The following PHTF2 variants were observed in gnomAD, a reference collection of about 807,000 sequenced individuals.
PHTF2 encodes the protein protein PHTF2.
In PHTF2, 60 loss-of-function variants were observed where a neutral mutation model predicts 101.2. The ratio of observed to expected loss-of-function variants is 0.59; its 90% CI spans 0.48 to 0.73. The LOEUF (loss-of-function observed/expected upper bound fraction) is 0.73. Ranked by LOEUF, PHTF2 falls within the 30% of genes least tolerant of loss-of-function variation. The pLI is 0.00. For missense variants in PHTF2, 747 were observed against 908.7 expected (o/e 0.82, Z 2.29); for synonymous variants, 311 against 307.3 (o/e 1.01, Z -0.13).
chr7:77,820,628 C>A (rs557228460), intron 1 of PHTF2, among the ~76,000 whole-genome samples: 12 of 152,180 alleles, frequency 7.9e-5, no homozygotes, highest in Admixed American at 2.6e-4. Flanking sequence ...TCCTTCCTCC[C>A]CAGTCTCCCA....
chr7:77,849,745 A>G (rs1012659551), intron 2 of PHTF2, among the ~76,000 whole-genome samples: 2 of 152,138 alleles, frequency 1.3e-5, no homozygotes, highest in Middle Eastern at 3.2e-3. Context: ...GTTTATTCCT[A>G]GGTATCTTAT....
At chr7:77,807,182 C>G (rs935772848) in intron 1 of PHTF2, among the ~76,000 whole-genome samples, 1 of 152,134 alleles carries the variant, frequency 6.6e-6, no homozygotes, top group Non-Finnish European at 1.5e-5. Flanking sequence ...GTGAATAGTG[C>G]TGCTATGAAT....
At chr7:77,940,164 A>G (rs1339124493) in exon 14 of PHTF2, 1 of 1,613,874 alleles carries the variant, frequency 6.2e-7, no homozygotes, top group Non-Finnish European at 8.5e-7. Flanking sequence ...ATTCTGCTTC[A>G]GAACTTTATG....
At chr7:77,816,550 C>T (rs1211994392) in intron 1 of PHTF2, among the ~76,000 whole-genome samples, 1 of 152,136 alleles carries the variant, frequency 6.6e-6, no homozygotes, top group African/African-American at 2.4e-5. Context: ...GTATAGTGAT[C>T]AGATCAGAGT....
chr7:77,805,918 T>C (rs915085296), intron 1 of PHTF2, among the ~76,000 whole-genome samples: 7 of 152,238 alleles, frequency 4.6e-5, no homozygotes, highest in Admixed American at 3.3e-4. Flanking sequence ...CTTACGCCTG[T>C]AATCCCAGCA....
intron 13 of PHTF2, among the ~76,000 whole-genome samples, chr7:77,939,480 G>A (rs532776958): frequency 1.1e-3 from 171 of 151,462 alleles, no homozygotes; most frequent in African/African-American, 3.9e-3. Context: ...GGGGGCGGTG[G>A]TGTATACCTG....
intron 3 of PHTF2, among the ~76,000 whole-genome samples, chr7:77,890,599 C>CTTTTTTTT (rs747882978): frequency 4.4e-4 from 37 of 84,232 alleles, no homozygotes; most frequent in Non-Finnish European, 5.3e-4. Flanking sequence ...AATAGTTACA[C>CTTTTTTTT]TTTTTTTTTT....
intron 3 of PHTF2, among the ~76,000 whole-genome samples, chr7:77,892,995 C>G (rs1256372378): frequency 6.6e-6 from 1 of 152,020 alleles, no homozygotes; most frequent in Admixed American, 6.5e-5. Flanking sequence ...GAAGTTTTTC[C>G]CCAAATATAA....
At chr7:77,931,046 A>G (rs1401405888) in intron 12 of PHTF2, among the ~76,000 whole-genome samples, 1 of 152,200 alleles carries the variant, frequency 6.6e-6, no homozygotes, top group South Asian at 2.1e-4. Context: ...ATACATGACA[A>G]TAAGTGGCAT....
chr7:77,932,127 G>A (rs1804627644), intron 12 of PHTF2, among the ~76,000 whole-genome samples: 1 of 152,060 alleles, frequency 6.6e-6, no homozygotes, highest in African/African-American at 2.4e-5. Context: ...TAAAAAGGAT[G>A]GCTATGAATG....
intron 1 of PHTF2, among the ~76,000 whole-genome samples, chr7:77,827,446 C>T (rs1295896916): frequency 2.0e-5 from 3 of 152,096 alleles, no homozygotes; most frequent in Non-Finnish European, 4.4e-5. Flanking sequence ...CCTCTGCCTC[C>T]CGGGTTCAGG....
At chr7:77,926,549 A>G (rs1265948135) in intron 11 of PHTF2, among the ~76,000 whole-genome samples, 3 of 152,124 alleles carry the variant, frequency 2.0e-5, no homozygotes, top group Non-Finnish European at 2.9e-5. Context: ...TCATTCACTC[A>G]AGGTATTTTG....
intron 7 of PHTF2, among the ~76,000 whole-genome samples, chr7:77,904,185 A>G (rs576569186): frequency 1.6e-4 from 25 of 152,288 alleles, no homozygotes; most frequent in Non-Finnish European, 2.9e-4. Context: ...TTGAATTTCT[A>G]TCCCACCTTA....
At chr7:77,910,157 A>C in intron 8 of PHTF2, 88 bp from the exon 8 acceptor site, 1 of 1,043,260 alleles carries the variant, frequency 9.6e-7, no homozygotes, top group East Asian at 2.5e-5. Context: ...TCCTGTGTTT[A>C]TGTTTTCCAA....
chr7:77,879,180 C>T (rs536392460), intron 3 of PHTF2, among the ~76,000 whole-genome samples: 2 of 152,254 alleles, frequency 1.3e-5, no homozygotes, highest in East Asian at 3.9e-4. Flanking sequence ...TAACTTGATT[C>T]GGCTTTGAAT....
chr7:77,876,970 C>T (rs1014386405), intron 3 of PHTF2, among the ~76,000 whole-genome samples: 1 of 152,098 alleles, frequency 6.6e-6, no homozygotes, highest in African/African-American at 2.4e-5. Context: ...GCTCTAAAAG[C>T]TTTAACACTT....
At chr7:77,836,739 G>A (rs1456968994) in intron 1 of PHTF2, among the ~76,000 whole-genome samples, 5 of 151,622 alleles carry the variant, frequency 3.3e-5, no homozygotes, top group African/African-American at 4.9e-5. Context: ...AATGCTGCAT[G>A]TTCTCACTCA....
intron 16 of PHTF2, among the ~76,000 whole-genome samples, chr7:77,945,503 A>G (rs1403839136): frequency 6.8e-6 from 1 of 147,892 alleles, no homozygotes; most frequent in African/African-American, 2.4e-5. Context: ...CAAATGTCTG[A>G]TACTATACAG....
At chr7:77,809,175 T>A (rs58575675) in intron 1 of PHTF2, among the ~76,000 whole-genome samples, 13,212 of 151,114 alleles carry the variant, frequency 0.087, 768 homozygotes, top group South Asian at 0.2. Flanking sequence ...GTATGATGAG[T>A]TAAAAGGTAA....
Sources: allele counts gnomAD v4.1 joint callset (sites outside exome capture counted in the v4.1 genomes callset), GRCh38; gene constraint gnomAD v4.1.1; transcripts MANE v1.5; gene names NCBI Gene and HGNC (gene_info 2026-07-23, HGNC 2026-07-21).